Variants in NRG1 observed in about 807,000 individuals in gnomAD.
NRG1 encodes the protein neuregulin 1.
A neutral mutation model predicts 63.8 loss-of-function variants in NRG1; 18 were observed. The ratio of observed to expected loss-of-function variants is 0.28; its 90% CI spans 0.19 to 0.42. The LOEUF is 0.42. NRG1 is among the 10% of genes least tolerant of loss of function. The pLI, the probability that NRG1 is intolerant of heterozygous loss-of-function variation, is 1.00. For missense variants in NRG1, 762 were observed against 814.7 expected, an observed-to-expected ratio of 0.94 and a Z score of 0.79; for synonymous variants, 302 against 301.3, an observed-to-expected ratio of 1.00 and a Z score of -0.02.
chr8:31,831,395 G>A (rs1005883868), intron 1 of NRG1, among the ~76,000 whole-genome samples: 48 of 151,900 alleles, frequency 3.2e-4, no homozygotes, highest in African/African-American at 1.2e-3. Context: ...GAGCCACCGT[G>A]CCCAGCCCAC....
At chr8:32,680,150 T>C (rs1250589208) in intron 5 of NRG1, among the ~76,000 whole-genome samples, 1 of 152,212 alleles carries the variant, frequency 6.6e-6, no homozygotes, top group African/African-American at 2.4e-5. Context: ...TGATTGTTAA[T>C]GTGTCTGATG....
chr8:32,431,123 A>T (rs1216235146), intron 1 of NRG1, among the ~76,000 whole-genome samples: 1 of 152,194 alleles, frequency 6.6e-6, no homozygotes, highest in Non-Finnish European at 1.5e-5. Context: ...CACATTGCCC[A>T]TGATCACAGA....
At chr8:32,201,987 TC>T (rs1299684230) in intron 1 of NRG1, among the ~76,000 whole-genome samples, 3 of 152,198 alleles carry the variant, frequency 2.0e-5, no homozygotes, top group Non-Finnish European at 4.4e-5. Context: ...GTATGTAAAC[TC>T]TCAGATGTGA....
At chr8:32,093,944 G>A (rs747541583) in intron 1 of NRG1, among the ~76,000 whole-genome samples, 1 of 152,120 alleles carries the variant, frequency 6.6e-6, no homozygotes, top group East Asian at 1.9e-4. Context: ...AAACATGAGC[G>A]GTGACTTCAC....
chr8:31,860,317 A>G (rs1201711640), intron 1 of NRG1, among the ~76,000 whole-genome samples: 2 of 152,198 alleles, frequency 1.3e-5, no homozygotes. Context: ...TATAATACTC[A>G]TAATGCTGAA....
chr8:32,225,422 A>G (rs536616801), intron 1 of NRG1, among the ~76,000 whole-genome samples: 9 of 152,240 alleles, frequency 5.9e-5, no homozygotes, highest in South Asian at 2.1e-4. Flanking sequence ...TGCTACCCCT[A>G]TGCTGCCTAG....
At chr8:31,722,930 A>G (rs1813068354) in intron 1 of NRG1, among the ~76,000 whole-genome samples, 1 of 152,166 alleles carries the variant, frequency 6.6e-6, no homozygotes, top group African/African-American at 2.4e-5. Context: ...TTTGGTGACC[A>G]TGATATATAA....
At chr8:32,694,430 G>C (rs563631216) in intron 5 of NRG1, among the ~76,000 whole-genome samples, 2 of 152,210 alleles carry the variant, frequency 1.3e-5, no homozygotes, top group East Asian at 3.9e-4. Context: ...TTAGTCTCGT[G>C]AGGTGCTTCA....
intron 1 of NRG1, chr8:32,098,554 C>G (rs2131334846): frequency 6.6e-6 from 1 of 152,280 alleles, no homozygotes; most frequent in African/African-American, 2.4e-5. Context: ...AAATATGACT[C>G]CATTAAATTG....
chr8:32,170,437 T>G (rs1364842493), intron 1 of NRG1, among the ~76,000 whole-genome samples: 4 of 152,154 alleles, frequency 2.6e-5, no homozygotes. Context: ...GCAGGTGAAA[T>G]GCAGCAGCGA....
chr8:31,946,429 CAG>C (rs1802549456), intron 1 of NRG1, among the ~76,000 whole-genome samples: 1 of 152,184 alleles, frequency 6.6e-6, no homozygotes, highest in Non-Finnish European at 1.5e-5. Context: ...AAGGCGCTAA[CAG>C]TGAACTTTCT....
chr8:31,924,389 G>A (rs1699125), intron 1 of NRG1, among the ~76,000 whole-genome samples: 124,098 of 151,714 alleles, frequency 0.82, 51,738 homozygotes, highest in Non-Finnish European at 0.9. Flanking sequence ...TATTCAAATT[G>A]TCAACTTCAT....
chr8:32,270,125 G>A (rs1184905166), intron 1 of NRG1, among the ~76,000 whole-genome samples: 1 of 152,188 alleles, frequency 6.6e-6, no homozygotes, highest in East Asian at 1.9e-4. Context: ...TTAATATGCT[G>A]TGAAGGCATC....
chr8:32,490,778 T>C (rs146561010), intron 1 of NRG1, among the ~76,000 whole-genome samples: 1 of 152,262 alleles, frequency 6.6e-6, no homozygotes, highest in East Asian at 1.9e-4. Flanking sequence ...TGTTTTATTT[T>C]TCACACCTAA....
chr8:32,202,027 A>C (rs1248874078), intron 1 of NRG1, among the ~76,000 whole-genome samples: 2 of 152,202 alleles, frequency 1.3e-5, no homozygotes, highest in East Asian at 3.9e-4. Flanking sequence ...CATATTGATT[A>C]GCTCGTTGAG....
intron 1 of NRG1, among the ~76,000 whole-genome samples, chr8:32,518,123 G>C (rs572371253): frequency 6.6e-6 from 1 of 152,256 alleles, no homozygotes; most frequent in Admixed American, 6.5e-5. Context: ...CATTGCTGGT[G>C]ACAGACTTTC....
chr8:32,318,207 CAG>C (rs1239806455), intron 1 of NRG1, among the ~76,000 whole-genome samples: 1 of 152,106 alleles, frequency 6.6e-6, no homozygotes, highest in African/African-American at 2.4e-5. Context: ...TGTCTGAAAA[CAG>C]AGGGAAAATT....
chr8:32,054,749 A>AT (rs1039391037), intron 1 of NRG1, among the ~76,000 whole-genome samples: 1 of 152,020 alleles, frequency 6.6e-6, no homozygotes, highest in African/African-American at 2.4e-5. Flanking sequence ...AGTGTCACCA[A>AT]CCCAGAGGCT....
intron 1 of NRG1, among the ~76,000 whole-genome samples, chr8:32,455,650 G>C (rs372594798): frequency 4.5e-4 from 68 of 152,310 alleles, no homozygotes; most frequent in African/African-American, 1.6e-3. Context: ...TCACTGAATA[G>C]TTTTCCTTGA....
Sources: gnomAD v4.1 joint callset for allele counts (sites outside exome capture counted in the v4.1 genomes callset) on GRCh38, gnomAD v4.1.1 for gene constraint, MANE v1.5 for transcripts, NCBI Gene and HGNC (gene_info 2026-07-23, HGNC 2026-07-21) for gene names.